Variants in PIKFYVE observed in about 807,000 individuals in gnomAD.
PIKFYVE encodes 1-phosphatidylinositol 3-phosphate 5-kinase.
Under a neutral mutation model 257.9 loss-of-function variants are expected in PIKFYVE, and 122 were observed. The observed-to-expected ratio is 0.47, with a 90% confidence interval of 0.41 to 0.55. PIKFYVE has a LOEUF of 0.55. Ranked by LOEUF, PIKFYVE falls within the 20% of genes least tolerant of loss-of-function variation. PIKFYVE has a pLI of 0.00. For synonymous variants in PIKFYVE, 892 were observed against 868.9 expected (o/e 1.03, Z -0.47); for missense variants, 2,160 against 2,536.6 (o/e 0.85, Z 3.19).
intron 12 of PIKFYVE, among the ~76,000 whole-genome samples, chr2:208,308,134 C>T (rs1174666958): frequency 6.6e-6 from 1 of 152,134 alleles, no homozygotes; most frequent in Non-Finnish European, 1.5e-5. Flanking sequence ...TGCAGTGGCT[C>T]ATGCCTGTAA....
At chr2:208,303,084 A>G (rs1014828078) in intron 10 of PIKFYVE, among the ~76,000 whole-genome samples, 1 of 152,124 alleles carries the variant, frequency 6.6e-6, no homozygotes, top group Admixed American at 6.5e-5. Context: ...TCCGTCTCAA[A>G]ACAAACACAA....
At position 208,357,621 on chromosome 2, in the gene PIKFYVE, T is replaced by G. The variant is rs1010139957; in HGVS notation, c.*2316T>G. The stretch of plus-strand genomic sequence containing the variant: ...TCTCTCATTTTAAAATTGGACAGTA[T>G]TAATGAAGGGGAAATATACAATTTA... On this transcript the variant is annotated 3_prime_UTR_variant, in exon 42 of 42. Coordinates refer to ENST00000264380, the MANE Select transcript of PIKFYVE (RefSeq NM_015040.4). 2 of 152,228 alleles carry G rather than the reference T, an allele frequency of 1.3e-5. No individual in the cohort carries two copies. The highest frequency in any genetic ancestry group is 2.9e-5 in the Non-Finnish European group (2 of 68,042). The allele number at this position is 152,228 out of a possible 1,614,324, so 9.4% of individuals were successfully genotyped here.
intron 8 of PIKFYVE, among the ~76,000 whole-genome samples, chr2:208,299,796 A>G (rs1361118533): frequency 6.6e-6 from 1 of 152,220 alleles, no homozygotes; most frequent in East Asian, 1.9e-4. Flanking sequence ...TACTGTGTTC[A>G]ATTCTAAGAG....
chr2:208,274,333 G>C (rs1334244455), intron 3 of PIKFYVE, among the ~76,000 whole-genome samples: 1 of 152,160 alleles, frequency 6.6e-6, no homozygotes, highest in Non-Finnish European at 1.5e-5. Flanking sequence ...AGAATTGAGA[G>C]ATTAGAAAAA....
intron 1 of PIKFYVE, among the ~76,000 whole-genome samples, chr2:208,268,737 CCTT>C (rs994364390): frequency 4.0e-5 from 6 of 151,838 alleles, no homozygotes; most frequent in Non-Finnish European, 7.4e-5. Flanking sequence ...CCTTCCTTCC[CCTT>C]CTTCTTCCTT....
rs369055002 is a variant in PIKFYVE at position 208,312,291 on chromosome 2, C to T, written c.1692C>T (p.Ile564=). Residue 564 remains isoleucine, a synonymous_variant, in exon 13 of 42, where the codon ATC becomes ATT. Transcript: ENST00000264380. ...AGCTCTCAATAAGTGACGCTTTCATCAAAGGTAATTTTATAAAAAGCTGTA... is the reference window on the plus strand; with the variant it reads ...AGCTCTCAATAAGTGACGCTTTCATTAAAGGTAATTTTATAAAAAGCTGTA... ...GQQLSISDAF[I]KESLFNRRVE... is the part of the protein sequence containing the mutation. The T allele has an allele frequency of 5.0e-6, 8 of 1,606,016 alleles. No individual in the cohort carries two copies. The highest frequency in any genetic ancestry group is 6.8e-6 in the Non-Finnish European group (8 of 1,174,196).
intron 41 of PIKFYVE, 105 bp from the exon 42 acceptor site, chr2:208,355,085 G>T (rs553441303): frequency 1.2e-6 from 1 of 868,546 alleles, no homozygotes; most frequent in African/African-American, 1.7e-5. Context: ...GCTTCTGCAT[G>T]TGTATCTTTA....
chr2:208,306,116 GT>G (rs1694283881), intron 12 of PIKFYVE, among the ~76,000 whole-genome samples: 1 of 152,210 alleles, frequency 6.6e-6, no homozygotes, highest in Admixed American at 6.5e-5. Context: ...TTATCAAGAT[GT>G]GGTAAAATGG....
intron 17 of PIKFYVE, among the ~76,000 whole-genome samples, chr2:208,322,615 TTAATTTGC>T (rs888066182): frequency 6.6e-6 from 1 of 151,808 alleles, no homozygotes; most frequent in Non-Finnish European, 1.5e-5. Context: ...TGTGTTTGCA[TTAATTTGC>T]TTACAGACTT....
intron 34 of PIKFYVE, 108 bp downstream of exon 34, chr2:208,346,255 CT>C: frequency 1.2e-6 from 1 of 848,728 alleles, no homozygotes; most frequent in Non-Finnish European, 1.9e-6. Flanking sequence ...TGATTTACTA[CT>C]TATGATCTCT....
chr2:208,323,263 C>T (rs1470564626), intron 17 of PIKFYVE, among the ~76,000 whole-genome samples: 1 of 109,152 alleles, frequency 9.2e-6, no homozygotes, highest in African/African-American at 3.5e-5. Flanking sequence ...CTCCCCCCTC[C>T]CCCCACCCCA....
At chr2:208,339,891 A>G (rs1426419306) in intron 30 of PIKFYVE, 120 bp from the exon 31 acceptor site, 2 of 1,183,602 alleles carry the variant, frequency 1.7e-6, no homozygotes, top group Admixed American at 2.4e-5. Context: ...GAAATTTTAA[A>G]CTGTTATTGG....
chr2:208,280,873 A>G (rs923434089), intron 5 of PIKFYVE, among the ~76,000 whole-genome samples: 2 of 152,194 alleles, frequency 1.3e-5, no homozygotes, highest in East Asian at 1.9e-4. Context: ...CTCTTAGGCT[A>G]TTCTGATTAT....
intron 38 of PIKFYVE, 141 bp from the exon 39 acceptor site, chr2:208,352,513 A>G (rs1313898380): frequency 1.2e-6 from 1 of 858,300 alleles, no homozygotes; most frequent in African/African-American, 1.7e-5. Flanking sequence ...CTGAGATTCA[A>G]GAGTTTGAGT....
intron 23 of PIKFYVE, 69 bp from the exon 24 acceptor site, chr2:208,333,242 AAAAG>A: frequency 9.1e-6 from 14 of 1,532,074 alleles, no homozygotes; most frequent in South Asian, 1.2e-5. Context: ...TCAAAAAAAA[AAAAG>A]AAAATGTTAT....
chr2:208,278,662 G>A (rs1161259811), intron 5 of PIKFYVE, among the ~76,000 whole-genome samples: 1 of 152,010 alleles, frequency 6.6e-6, no homozygotes, highest in African/African-American at 2.4e-5. Context: ...TGCGGCATTT[G>A]GTTTTCTGTT....
At chr2:208,350,983 A>G (rs1261138317) in intron 37 of PIKFYVE, 36 bp downstream of exon 37, 2 of 1,611,552 alleles carry the variant, frequency 1.2e-6, no homozygotes, top group South Asian at 2.2e-5. Context: ...TTGGTTCAGT[A>G]GTCTTCATCT....
intron 32 of PIKFYVE, among the ~76,000 whole-genome samples, chr2:208,344,826 G>A (rs1699079605): frequency 6.6e-6 from 1 of 151,990 alleles, no homozygotes; most frequent in African/African-American, 2.4e-5. Flanking sequence ...AATCCCTGAA[G>A]TCATTTGATC....
chr2:208,353,475 A>G (rs1242058127), intron 39 of PIKFYVE, among the ~76,000 whole-genome samples: 2 of 151,956 alleles, frequency 1.3e-5, no homozygotes, highest in African/African-American at 2.4e-5. Flanking sequence ...ATGCTCTTCT[A>G]CATTGCTGTA....
Sources: gnomAD v4.1 joint callset for allele counts (sites outside exome capture counted in the v4.1 genomes callset) on GRCh38, gnomAD v4.1.1 for gene constraint, MANE v1.5 for transcripts, NCBI Gene and HGNC (gene_info 2026-07-23, HGNC 2026-07-21) for gene names.